Variants in STMN1 observed in about 807,000 individuals in gnomAD.
The protein encoded by STMN1 is stathmin 1.
STMN1 carries 3 observed loss-of-function variants against 19.7 expected under a neutral mutation model. The observed-to-expected ratio is 0.15, with a 90% CI of 0.07 to 0.39. The LOEUF is 0.39. STMN1 is among the 10% of genes least tolerant of loss of function. The pLI, the probability that STMN1 is intolerant of heterozygous loss-of-function variation, is 1.00. For synonymous variants in STMN1, 59 were observed against 58.9 expected, an observed-to-expected ratio of 1.00 and a Z score of -0.01; for missense variants, 99 against 176.0, an observed-to-expected ratio of 0.56 and a Z score of 2.48.
Position 25,900,690 on chromosome 1 carries a change from T to TA in STMN1, c.*325dup, listed in dbSNP as rs1331742657. The TA allele has an allele frequency of 2.1e-5, 22 of 1,069,552 alleles. No homozygotes were observed. The highest frequency in any genetic ancestry group is 3.3e-5 in the African/African-American group (2 of 59,858). The allele number at this position is 1,069,552 out of a possible 1,614,324, so 66.3% of individuals were successfully genotyped here. Reference sequence around the variant, plus strand: ...TAACAGTTCAAAAGAAGCCACTACATACTCTTTTCACAAATATGTTTTCAC... The same window carrying TA: ...TAACAGTTCAAAAGAAGCCACTACATAACTCTTTTCACAAATATGTTTTCAC... On this transcript the variant is annotated 3_prime_UTR_variant, in exon 5 of 5. Transcript: ENST00000455785.
At chr1:25,894,721 T>A (rs1335376718) in intron 4 of STMN1, among the ~76,000 whole-genome samples, 1 of 152,184 alleles carries the variant, frequency 6.6e-6, no homozygotes, top group Non-Finnish European at 1.5e-5. Flanking sequence ...TTTATTTTTT[T>A]ATTTACTTTC....
At chr1:25,906,713 G>GT (rs1435712317), upstream of STMN1, 2 of 152,448 alleles carry the variant, frequency 1.3e-5, no homozygotes, top group African/African-American at 4.8e-5. The surrounding 1 kb of genome is among the most constrained non-coding windows in gnomAD (Gnocchi z 4.5). Context: ...CCCCGGACTA[G>GT]GTCCGAACCA....
intron 4 of STMN1, among the ~76,000 whole-genome samples, chr1:25,894,313 G>C (rs188109967): frequency 6.6e-6 from 1 of 152,198 alleles, no homozygotes; most frequent in East Asian, 1.9e-4. Flanking sequence ...GGACTGGAGA[G>C]ATGGCAATGG....
At chr1:25,896,319 G>C (rs1308855197), downstream of STMN1, among the ~76,000 whole-genome samples, 1 of 152,144 alleles carries the variant, frequency 6.6e-6, no homozygotes, top group Admixed American at 6.5e-5. Flanking sequence ...AGAGAGCTGT[G>C]AGAGCAGGGA....
chr1:25,902,937 A>T (rs1192187206), intron 3 of STMN1: 1 of 152,210 alleles, frequency 6.6e-6, no homozygotes, highest in African/African-American at 2.4e-5. Context: ...TGAGAAAGGG[A>T]GTTAAATGAA....
chr1:25,893,819 G>A (rs1021900565), intron 4 of STMN1, among the ~76,000 whole-genome samples: 5 of 152,248 alleles, frequency 3.3e-5, no homozygotes, highest in Non-Finnish European at 7.3e-5. Flanking sequence ...GGGATGACAG[G>A]TGTGAGCCAC....
chr1:25,903,578 A>T (rs1239215586), intron 3 of STMN1, 63 bp downstream of exon 3: 4 of 1,585,880 alleles, frequency 2.5e-6, no homozygotes, highest in African/African-American at 2.7e-5. Flanking sequence ...CTGTTATAGA[A>T]ATAAAATTGA....
chr1:25,885,708 ATATT>A (rs2048715374), exon 5 of STMN1: 3 of 1,546,614 alleles, frequency 1.9e-6, no homozygotes, highest in Non-Finnish European at 2.6e-6. Flanking sequence ...TCAACAGCAA[ATATT>A]TATTAAGTAC....
chr1:25,903,476 T>C (rs756646826), intron 3 of STMN1, 165 bp downstream of exon 3: 2 of 871,590 alleles, frequency 2.3e-6, no homozygotes, highest in East Asian at 2.5e-5. Context: ...GGAGCGGGCA[T>C]GTAACAGGAG....
chr1:25,891,279 C>T (rs1239801030), intron 4 of STMN1, among the ~76,000 whole-genome samples: 2 of 151,060 alleles, frequency 1.3e-5, no homozygotes, highest in African/African-American at 2.4e-5. Context: ...TGCAGTGAGC[C>T]GAGATCATGC....
At chr1:25,886,451 G>T (rs556487452) in intron 4 of STMN1, among the ~76,000 whole-genome samples, 5 of 152,232 alleles carry the variant, frequency 3.3e-5, no homozygotes, top group African/African-American at 1.2e-4. Context: ...TTTCTAGGAT[G>T]CTTAGGCGGG....
intron 4 of STMN1, 56 bp from the exon 5 acceptor site, chr1:25,901,143 T>C (rs1572302708): frequency 1.3e-6 from 2 of 1,512,554 alleles, no homozygotes; most frequent in Admixed American, 2.1e-5. Context: ...AAAAAAAGCC[T>C]GTCAAGTCAC....
At chr1:25,887,812 G>A (rs867343384) in intron 4 of STMN1, among the ~76,000 whole-genome samples, 1 of 152,108 alleles carries the variant, frequency 6.6e-6, no homozygotes, top group East Asian at 1.9e-4. Context: ...TCAGCCTCCT[G>A]AGTAGCTGGG....
chr1:25,885,751 G>T (rs1557475069), exon 5 of STMN1: 1 of 1,551,490 alleles, frequency 6.4e-7, no homozygotes, highest in Non-Finnish European at 8.7e-7. Flanking sequence ...ATCAGACCAG[G>T]TAATCAATGC....
rs2124250151 is a variant in STMN1 at position 25,901,548 on chromosome 1, A to G, written c.321T>C (p.Ala107=). 3 of 1,613,976 alleles carry G rather than the reference A, an allele frequency of 1.9e-6. No individual in the cohort carries two copies. Among genetic ancestry groups the G allele is most frequent in the East Asian group, 4.5e-5 (2 of 44,852 alleles). ...AEEKLTHKME[A]NKENREAQMA... ...TTTGTGCCTCTCGGTTCTCTTTATT[A>G]GCTTCCATTTTGTGGGTCAGTTTCT... The change falls in exon 4 of 5, where the codon GCT becomes GCC. Residue 107 remains alanine, a synonymous_variant. Coordinates refer to ENST00000455785, the MANE Select transcript of STMN1 (RefSeq NM_005563.4).
downstream of STMN1, among the ~76,000 whole-genome samples, chr1:25,896,177 T>C (rs1294217269): frequency 6.6e-6 from 1 of 152,182 alleles, no homozygotes; most frequent in African/African-American, 2.4e-5. Context: ...CTAGTTGTCA[T>C]TTTAGGTAAA....
chr1:25,896,370 A>T (rs777174677), downstream of STMN1, among the ~76,000 whole-genome samples: 1 of 152,172 alleles, frequency 6.6e-6, no homozygotes, highest in Non-Finnish European at 1.5e-5. Context: ...TCCCCATCCC[A>T]GTGAATACTG....
At chr1:25,899,150 C>A (rs2048846818), downstream of STMN1, among the ~76,000 whole-genome samples, 1 of 152,210 alleles carries the variant, frequency 6.6e-6, no homozygotes, top group African/African-American at 2.4e-5. Context: ...TGGGTGGTAA[C>A]TGATGAGGCA....
At chr1:25,893,007 A>T (rs2048789913) in intron 4 of STMN1, among the ~76,000 whole-genome samples, 1 of 152,250 alleles carries the variant, frequency 6.6e-6, no homozygotes, top group South Asian at 2.1e-4. Context: ...GTAAAATTTT[A>T]AAAATATATA....
Sources: gnomAD v4.1 joint callset for allele counts (sites outside exome capture counted in the v4.1 genomes callset) on GRCh38, gnomAD v4.1.1 for gene constraint, Gnocchi (gnomAD v3.1) non-coding constraint, MANE v1.5 for transcripts, NCBI Gene and HGNC (gene_info 2026-07-23, HGNC 2026-07-21) for gene names.